Variants in DRC2 observed in about 807,000 individuals in gnomAD.
The protein encoded by DRC2 is dynein regulatory complex subunit 2.
chr12:48,913,865 A>G, the DRC2 span, among the ~76,000 whole-genome samples: 1 of 149,546 alleles, frequency 6.7e-6, no homozygotes, highest in Non-Finnish European at 1.5e-5. Context: ...TGACCTCATG[A>G]TCTGCCCACC....
the DRC2 span, chr12:48,916,936 C>T: frequency 1.2e-6 from 2 of 1,605,950 alleles, no homozygotes; most frequent in Admixed American, 1.7e-5. Flanking sequence ...ATCCTGTATC[C>T]CTCAGAGCAG....
chr12:48,913,133 C>CAAAA, the DRC2 span, among the ~76,000 whole-genome samples: 35 of 69,806 alleles, frequency 5.0e-4, no homozygotes, highest in African/African-American at 2.1e-3. Context: ...GACTCCGTCT[C>CAAAA]AAAAAAAAAA....
At chr12:48,910,383 A>G in the DRC2 span, among the ~76,000 whole-genome samples, 1 of 152,250 alleles carries the variant, frequency 6.6e-6, no homozygotes, top group African/African-American at 2.4e-5. Context: ...GTGAGTGAAT[A>G]GTCTTCCATT....
chr12:48,917,018 T>C, the DRC2 span: 1 of 1,614,012 alleles, frequency 6.2e-7, no homozygotes. Flanking sequence ...ATCTGCAAGA[T>C]ATCTTCATGG....
At chr12:48,904,322 C>G in the DRC2 span, 1 of 1,608,164 alleles carries the variant, frequency 6.2e-7, no homozygotes, top group Non-Finnish European at 8.5e-7. Flanking sequence ...TTCCCGGATC[C>G]AATCCCCTGC....
At chr12:48,918,545 C>T in the DRC2 span, 4 of 1,526,250 alleles carry the variant, frequency 2.6e-6, no homozygotes, top group East Asian at 4.6e-5. Context: ...CCCCTTGTTT[C>T]CCCTGGGCCT....
At chr12:48,906,622 G>C in the DRC2 span, among the ~76,000 whole-genome samples, 15 of 151,290 alleles carry the variant, frequency 9.9e-5, no homozygotes, top group East Asian at 2.9e-3. Flanking sequence ...CTGGAGTACA[G>C]TGGCGCGATC....
At chr12:48,912,437 C>CAAAAAA in the DRC2 span, among the ~76,000 whole-genome samples, 251 of 45,310 alleles carry the variant, frequency 5.5e-3, 28 homozygotes, top group Non-Finnish European at 6.4e-3. Flanking sequence ...GACGCCGTCT[C>CAAAAAA]AAAAAAAAAA....
the DRC2 span, chr12:48,918,190 T>C: frequency 7.8e-7 from 1 of 1,289,068 alleles, no homozygotes; most frequent in Admixed American, 1.7e-5. Context: ...CTACAAACAG[T>C]TCAAGAGGGT....
At chr12:48,917,035 A>C in the DRC2 span, 1 of 1,614,064 alleles carries the variant, frequency 6.2e-7, no homozygotes, top group Non-Finnish European at 8.5e-7. Flanking sequence ...ATGGCCATGG[A>C]GCAGAACTAT....
the DRC2 span, among the ~76,000 whole-genome samples, chr12:48,913,460 CA>C: frequency 1.3e-5 from 2 of 151,520 alleles, no homozygotes; most frequent in African/African-American, 2.4e-5. Flanking sequence ...CGCATCACCA[CA>C]CCAGCTAACT....
At chr12:48,905,683 T>C in the DRC2 span, among the ~76,000 whole-genome samples, 1 of 152,184 alleles carries the variant, frequency 6.6e-6, no homozygotes, top group Non-Finnish European at 1.5e-5. Context: ...TCCTATCTTT[T>C]CTTCTAAGGG....
the DRC2 span, among the ~76,000 whole-genome samples, chr12:48,909,778 C>CT: frequency 2.3e-3 from 322 of 138,972 alleles, 1 homozygote; most frequent in African/African-American, 5.3e-3. Context: ...CGCCCAGCCT[C>CT]TTTTTTTTTT....
At chr12:48,917,019 A>C in the DRC2 span, 4 of 1,614,144 alleles carry the variant, frequency 2.5e-6, no homozygotes, top group Middle Eastern at 1.6e-4. Context: ...TCTGCAAGAT[A>C]TCTTCATGGC....
At chr12:48,914,445 C>T in the DRC2 span, 10 of 1,614,092 alleles carry the variant, frequency 6.2e-6, no homozygotes, top group Non-Finnish European at 7.6e-6. Context: ...AGCAGTACGC[C>T]CATGCCCTGC....
the DRC2 span, among the ~76,000 whole-genome samples, chr12:48,915,845 G>A: frequency 6.6e-6 from 1 of 151,776 alleles, no homozygotes; most frequent in African/African-American, 2.4e-5. Context: ...TTCTCAGACG[G>A]GGCAGCTGCC....
the DRC2 span, among the ~76,000 whole-genome samples, chr12:48,920,481 A>C: frequency 3.2e-5 from 4 of 124,862 alleles, no homozygotes; most frequent in Non-Finnish European, 6.6e-5. Context: ...TGAGAGAATG[A>C]GTTTGTTTTT....
At chr12:48,906,777 G>C in the DRC2 span, among the ~76,000 whole-genome samples, 3 of 151,372 alleles carry the variant, frequency 2.0e-5, no homozygotes, top group African/African-American at 7.3e-5. Flanking sequence ...TGTTGGCCAG[G>C]CTGGTCTGGA....
the DRC2 span, among the ~76,000 whole-genome samples, chr12:48,920,540 GA>G: frequency 1.7e-5 from 1 of 57,304 alleles, no homozygotes; most frequent in South Asian, 6.0e-4. Context: ...TTTTTTTTTT[GA>G]GACAGGGTCT....
Sources: gnomAD v4.1 joint callset for allele counts (sites outside exome capture counted in the v4.1 genomes callset) on GRCh38, gnomAD v4.1.1 for gene constraint, MANE v1.5 for transcripts, NCBI Gene and HGNC (gene_info 2026-07-23, HGNC 2026-07-21) for gene names.